MAGI2: variants seen among roughly 807,000 people sequenced by gnomAD.
MAGI2 encodes membrane-associated guanylate kinase, WW and PDZ domain-containing protein 2.
Under a neutral mutation model 133.3 loss-of-function variants are expected in MAGI2, and 35 were observed. That is an observed-to-expected ratio of 0.26 (90% CI 0.20 to 0.35). The LOEUF (loss-of-function observed/expected upper bound fraction) is 0.35, where lower values mean the gene tolerates loss of function less well. MAGI2 is among the 10% of genes least tolerant of loss of function. The pLI is 1.00. For missense variants in MAGI2, 1,636 were observed against 1,863.4 expected (o/e 0.88, Z 2.25); for synonymous variants, 729 against 710.6 (o/e 1.03, Z -0.41).
intron 16 of MAGI2, among the ~76,000 whole-genome samples, chr7:78,155,570 T>TGCCACTGC (rs1373990607): frequency 6.6e-6 from 1 of 152,134 alleles, no homozygotes; most frequent in East Asian, 1.9e-4. Context: ...GCCCAGATCA[T>TGCCACTGC]GCCACTGCAC....
chr7:78,795,221 T>C (rs1339966814), intron 2 of MAGI2, among the ~76,000 whole-genome samples: 4 of 151,858 alleles, frequency 2.6e-5, no homozygotes, highest in Non-Finnish European at 5.9e-5. Flanking sequence ...GATTATTTGA[T>C]TATTATAATG....
intron 1 of MAGI2, among the ~76,000 whole-genome samples, chr7:79,331,588 A>G (rs947986407): frequency 6.6e-5 from 10 of 152,300 alleles, no homozygotes; most frequent in African/African-American, 1.9e-4. Flanking sequence ...TTGCCTCAAA[A>G]TAGTCATAAC....
intron 1 of MAGI2, among the ~76,000 whole-genome samples, chr7:79,263,136 C>A (rs1305501626): frequency 1.3e-5 from 2 of 152,088 alleles, no homozygotes; most frequent in Admixed American, 6.6e-5. Flanking sequence ...ACAATAATAA[C>A]CACAACAAAA....
In MAGI2 at chr7:78,076,168, G is replaced by T. The variant is rs551026940; in HGVS notation, c.3706+2779C>A. Among the ~76,000 whole-genome samples the T allele has an allele frequency of 2.0e-5, 3 of 152,058 alleles. No homozygotes were observed. The East Asian group carries it at 5.8e-4, about 29-fold the overall frequency. On this transcript the variant is annotated intron_variant, in intron 21 of 21. Coordinates refer to ENST00000354212, the MANE Select transcript of MAGI2 (RefSeq NM_012301.4). The stretch of plus-strand genomic sequence containing the variant: ...TGCTGATGATTGGCCACTCAAAAGC[G>T]TGCCCAGGCTGGGTGCGGTGGCTCA...
chr7:79,339,464 GTTT>G (rs71095397), intron 1 of MAGI2, among the ~76,000 whole-genome samples: 1 of 134,546 alleles, frequency 7.4e-6, no homozygotes, highest in Non-Finnish European at 1.6e-5. Flanking sequence ...TTTTGTTTTT[GTTT>G]TTTTTTTTTT....
At chr7:79,237,418 G>A (rs763228058) in intron 1 of MAGI2, among the ~76,000 whole-genome samples, 8 of 152,134 alleles carry the variant, frequency 5.3e-5, no homozygotes, top group African/African-American at 1.4e-4. Context: ...GCATGAACCC[G>A]GGAGGTGGAG....
At chr7:78,967,883 T>C (rs1034550958) in intron 2 of MAGI2, among the ~76,000 whole-genome samples, 1 of 152,178 alleles carries the variant, frequency 6.6e-6, no homozygotes, top group Non-Finnish European at 1.5e-5. Flanking sequence ...CAGGCTGGAA[T>C]GCAGTGGTGC....
intron 2 of MAGI2, among the ~76,000 whole-genome samples, chr7:78,751,375 G>A (rs560767538): frequency 7.9e-4 from 121 of 152,266 alleles, no homozygotes; most frequent in Non-Finnish European, 1.6e-3. Context: ...GGACAAACAC[G>A]TTCTTGTAAT....
intron 1 of MAGI2, among the ~76,000 whole-genome samples, chr7:79,340,725 G>A (rs1379462326): frequency 6.6e-6 from 1 of 152,050 alleles, no homozygotes; most frequent in Middle Eastern, 3.2e-3. Flanking sequence ...ACATATGGCT[G>A]GGGAAGGCAG....
At chr7:78,499,611 G>A (rs1432328141) in intron 5 of MAGI2, among the ~76,000 whole-genome samples, 2 of 151,668 alleles carry the variant, frequency 1.3e-5, no homozygotes, top group Non-Finnish European at 2.9e-5. Context: ...AAAACCTGAT[G>A]TAGTTAAAAG....
chr7:79,246,786 T>C (rs960061048), intron 1 of MAGI2, among the ~76,000 whole-genome samples: 23 of 152,072 alleles, frequency 1.5e-4, no homozygotes, highest in African/African-American at 4.6e-4. Flanking sequence ...GATACCAATA[T>C]TTAAGTACAA....
chr7:78,943,074 G>A (rs953753396), intron 2 of MAGI2, among the ~76,000 whole-genome samples: 1 of 151,952 alleles, frequency 6.6e-6, no homozygotes, highest in African/African-American at 2.4e-5. Flanking sequence ...TTACCACCCT[G>A]GGTCTTAGTA....
At chr7:79,225,157 T>C (rs1362306585) in intron 1 of MAGI2, among the ~76,000 whole-genome samples, 1 of 152,198 alleles carries the variant, frequency 6.6e-6, no homozygotes, top group Non-Finnish European at 1.5e-5. Flanking sequence ...GGGCTTCTCC[T>C]CTGAGCTTTT....
rs139725788 is a variant in MAGI2 at position 79,204,162 on chromosome 7, C to T, written c.302-196956G>A. 3.0e-3 allele frequency among the ~76,000 whole-genome samples: 459 copies of T among 152,186 alleles called. 4 individuals are homozygous for T. The highest frequency in any genetic ancestry group is 5.7e-3 in the Non-Finnish European group (387 of 68,018). On this transcript the variant is annotated intron_variant, in intron 1 of 21. Transcript: ENST00000354212. ...TTGGGCCCACCAAAGTAAAACCCAG[C>T]ACTAGGTACCCATGGCCTCATATTC...
intron 2 of MAGI2, among the ~76,000 whole-genome samples, chr7:78,951,930 C>T (rs77803841): frequency 0.015 from 2,339 of 152,262 alleles, 52 homozygotes; most frequent in African/African-American, 0.054. Flanking sequence ...TTCTTCTCTT[C>T]TAATATCCTA....
chr7:78,624,214 A>G (rs1808070379), intron 3 of MAGI2, among the ~76,000 whole-genome samples: 1 of 151,988 alleles, frequency 6.6e-6, no homozygotes, highest in African/African-American at 2.4e-5. Context: ...TAGACTCAAT[A>G]TTAGATCTTT....
intron 3 of MAGI2, among the ~76,000 whole-genome samples, chr7:78,623,848 G>T (rs1808015334): frequency 6.6e-6 from 1 of 152,112 alleles, no homozygotes; most frequent in African/African-American, 2.4e-5. Context: ...TTGTAACGGA[G>T]CTGAAAAATT....
intron 10 of MAGI2, among the ~76,000 whole-genome samples, chr7:78,222,028 C>T (rs762401958): frequency 2.6e-5 from 4 of 151,788 alleles, no homozygotes; most frequent in Non-Finnish European, 4.4e-5. Flanking sequence ...TCAGCCTGGG[C>T]GACAGAGCAA....
intron 2 of MAGI2, among the ~76,000 whole-genome samples, chr7:78,755,524 AATC>A (rs1325147647): frequency 6.6e-6 from 1 of 152,208 alleles, no homozygotes; most frequent in East Asian, 1.9e-4. Flanking sequence ...TGAAAACAAA[AATC>A]ATGATTTTGG....
Sources: allele counts gnomAD v4.1 joint callset (sites outside exome capture counted in the v4.1 genomes callset), GRCh38; gene constraint gnomAD v4.1.1; transcripts MANE v1.5; gene names NCBI Gene and HGNC (gene_info 2026-07-23, HGNC 2026-07-21).